PRPSAP2: variants seen among roughly 807,000 people sequenced by gnomAD.
PRPSAP2 encodes the protein phosphoribosyl pyrophosphate synthetase associated protein 2, also known as phosphoribosyl pyrophosphate synthase-associated protein 2.
A neutral mutation model predicts 40.6 loss-of-function variants in PRPSAP2; 24 were observed. The observed-to-expected ratio is 0.59, with a 90% CI of 0.43 to 0.83. PRPSAP2 has a LOEUF of 0.83. PRPSAP2 is among the 40% of genes least tolerant of loss of function. The pLI, the probability that PRPSAP2 is intolerant of heterozygous loss-of-function variation, is 0.00. For synonymous variants in PRPSAP2, 149 were observed against 164.7 expected (o/e 0.90, Z 0.73); for missense variants, 292 against 465.6 (o/e 0.63, Z 3.43).
chr17:18,878,933 C>G (rs1466706841), intron 6 of PRPSAP2, among the ~76,000 whole-genome samples: 1 of 151,016 alleles, frequency 6.6e-6, no homozygotes, highest in Admixed American at 6.6e-5. Context: ...GCAGTGGTGG[C>G]ACCTCGGCTC....
chr17:18,859,844 A>C (rs1464904932), intron 1 of PRPSAP2: 3 of 151,898 alleles, frequency 2.0e-5, no homozygotes, highest in East Asian at 3.9e-4. Flanking sequence ...TCCCGGGTTC[A>C]AGCGATTCTC....
At chr17:18,865,764 T>C in intron 2 of PRPSAP2, 38 bp from the exon 3 acceptor site, 2 of 1,263,850 alleles carry the variant, frequency 1.6e-6, no homozygotes, top group Non-Finnish European at 2.0e-6. Context: ...ATATTTCATA[T>C]CATATGGCAG....
chr17:18,908,185 G>T, intron 8 of PRPSAP2: 1 of 630,204 alleles, frequency 1.6e-6, no homozygotes, highest in Non-Finnish European at 2.9e-6. Flanking sequence ...CAGATGCGGT[G>T]GGAAGAAGCT....
intron 6 of PRPSAP2, 116 bp from the exon 7 acceptor site, chr17:18,882,452 A>G: frequency 1.5e-6 from 1 of 689,302 alleles, no homozygotes. Context: ...TCAAGGCTGC[A>G]GTTAGCTATG....
At position 18,930,984 on chromosome 17, in the gene PRPSAP2, A is replaced by G. The variant is rs559427366; in HGVS notation, c.*286A>G. 1.8e-4 allele frequency: 38 copies of G among 212,402 alleles called. No homozygotes were observed. Among genetic ancestry groups the G allele is most frequent in the African/African-American group, 7.9e-4 (35 of 44,028 alleles). 13.2% of individuals were successfully genotyped at this position (212,402 alleles called of 1,614,324 possible). ...AATAACACTTGGAATAAGATTTGTAAGCTCACAAAGCCTTCTTCCAAAGTT... is the reference window on the plus strand; with the variant it reads ...AATAACACTTGGAATAAGATTTGTAGGCTCACAAAGCCTTCTTCCAAAGTT... On this transcript the variant is annotated 3_prime_UTR_variant, in exon 12 of 12. Transcript: ENST00000268835.
In PRPSAP2 at chr17:18,867,394, C is replaced by T. The variant is rs2305063; in HGVS notation, c.172+60C>T. The T allele has an allele frequency of 1.6e-3, 2,513 of 1,540,166 alleles. 131 individuals are homozygous for T. The East Asian group carries it at 0.055, about 34-fold the overall frequency. On this transcript the variant is annotated intron_variant, in intron 4 of 11. Transcript: ENST00000268835. ...TTTGTGAAATGTGGCATATTGGCTC[C>T]GTCCTTCATCCTTTACTATTGAAAC...
At chr17:18,880,102 A>C (rs1189021152) in intron 6 of PRPSAP2, among the ~76,000 whole-genome samples, 2 of 152,128 alleles carry the variant, frequency 1.3e-5, no homozygotes, top group East Asian at 3.9e-4. Flanking sequence ...GTCTCAAAAA[A>C]ATAAAAATAA....
chr17:18,869,519 T>TA (rs1439710948), intron 4 of PRPSAP2, among the ~76,000 whole-genome samples: 1 of 150,054 alleles, frequency 6.7e-6, no homozygotes, highest in East Asian at 2.0e-4. Flanking sequence ...TTTTTTTTTT[T>TA]AAATATGGAG....
intron 1 of PRPSAP2, among the ~76,000 whole-genome samples, chr17:18,862,649 A>G (rs2037112047): frequency 6.6e-6 from 1 of 152,188 alleles, no homozygotes; most frequent in Non-Finnish European, 1.5e-5. Flanking sequence ...GATTTTGAGT[A>G]TTAGATAACT....
intron 6 of PRPSAP2, among the ~76,000 whole-genome samples, chr17:18,878,251 T>G (rs2038446587): frequency 6.6e-6 from 1 of 152,126 alleles, no homozygotes; most frequent in South Asian, 2.1e-4. Flanking sequence ...ATCAAAGTAA[T>G]GGCTGGGCAC....
upstream of PRPSAP2, chr17:18,856,332 A>G (rs1288255639): frequency 6.6e-6 from 1 of 152,240 alleles, no homozygotes; most frequent in Non-Finnish European, 1.5e-5. Flanking sequence ...AATCTACGCC[A>G]GCCACAGCAG....
At chr17:18,861,883 T>TTTTGTTTGTTTGTTTG (rs138555657) in intron 1 of PRPSAP2, among the ~76,000 whole-genome samples, 11,244 of 150,908 alleles carry the variant, frequency 0.075, 477 homozygotes, top group African/African-American at 0.099. Flanking sequence ...CAGCATGTTC[T>TTTTGTTTGTTTGTTTG]TTTGTTTGTT....
chr17:18,913,443 C>G (rs2041086819), intron 9 of PRPSAP2, among the ~76,000 whole-genome samples: 1 of 151,852 alleles, frequency 6.6e-6, no homozygotes, highest in African/African-American at 2.4e-5. Context: ...CCCCCAAGAC[C>G]CTGGCATTCT....
intron 9 of PRPSAP2, among the ~76,000 whole-genome samples, chr17:18,922,574 T>C (rs2041743329): frequency 6.6e-6 from 1 of 151,964 alleles, no homozygotes; most frequent in Non-Finnish European, 1.5e-5. Context: ...TCTGTTGAAA[T>C]CCTTTGCCCA....
chr17:18,862,827 A>G (rs111850345), intron 1 of PRPSAP2, among the ~76,000 whole-genome samples: 13,407 of 145,764 alleles, frequency 0.092, 714 homozygotes, highest in African/African-American at 0.14. Context: ...TTATTTATTT[A>G]TTTATTTTTC....
At chr17:18,863,343 G>C in intron 1 of PRPSAP2, among the ~76,000 whole-genome samples, 1 of 151,870 alleles carries the variant, frequency 6.6e-6, no homozygotes, top group Non-Finnish European at 1.5e-5. Context: ...AGCCCACCTT[G>C]GCCTCACAAG....
chr17:18,922,508 A>G (rs1316580420), intron 9 of PRPSAP2, among the ~76,000 whole-genome samples: 1 of 152,076 alleles, frequency 6.6e-6, no homozygotes, highest in Admixed American at 6.6e-5. Context: ...TGTGATTTTG[A>G]TAAACATTTC....
intron 4 of PRPSAP2, 33 bp downstream of exon 4, chr17:18,867,367 T>A: frequency 6.2e-7 from 1 of 1,607,136 alleles, no homozygotes. Context: ...AACATTGACC[T>A]TTTTGTGAAA....
At chr17:18,891,992 A>T (rs1047138340) in intron 8 of PRPSAP2, among the ~76,000 whole-genome samples, 1 of 152,096 alleles carries the variant, frequency 6.6e-6, no homozygotes, top group African/African-American at 2.4e-5. Flanking sequence ...AGGTAGCTGG[A>T]ATTACAGGTG....
Sources: gnomAD v4.1 joint callset for allele counts (sites outside exome capture counted in the v4.1 genomes callset) on GRCh38, gnomAD v4.1.1 for gene constraint, MANE v1.5 for transcripts, NCBI Gene and HGNC (gene_info 2026-07-23, HGNC 2026-07-21) for gene names.